Variants in PDSS2 observed in about 807,000 individuals in gnomAD.
The protein encoded by PDSS2 is all trans-polyprenyl-diphosphate synthase PDSS2.
A neutral mutation model predicts 44.5 loss-of-function variants in PDSS2; 31 were observed. The ratio of observed to expected loss-of-function variants is 0.70; its 90% CI spans 0.52 to 0.94. The LOEUF is 0.94. Among genes scored for constraint, PDSS2 ranks in the 40% least tolerant of loss-of-function variants. The pLI is 0.00. For missense variants in PDSS2, 452 were observed against 482.2 expected (o/e 0.94, Z 0.59); for synonymous variants, 157 against 180.3 (o/e 0.87, Z 1.03).
chr6:107,159,426 T>G (rs1325509125), intron 7 of PDSS2, among the ~76,000 whole-genome samples: 1 of 148,390 alleles, frequency 6.7e-6, no homozygotes, highest in Non-Finnish European at 1.5e-5. Flanking sequence ...TTTCTTTTTT[T>G]TTTTTTTTGA....
At chr6:107,315,475 C>T (rs1346551481) in intron 2 of PDSS2, among the ~76,000 whole-genome samples, 6 of 152,182 alleles carry the variant, frequency 3.9e-5, no homozygotes, top group African/African-American at 1.2e-4. Flanking sequence ...ACTTTCCCCA[C>T]ATTTTATTAA....
intron 2 of PDSS2, among the ~76,000 whole-genome samples, chr6:107,309,120 A>G (rs1005755302): frequency 3.3e-5 from 5 of 152,280 alleles, no homozygotes; most frequent in African/African-American, 4.8e-5. Context: ...TTTTACTTAA[A>G]TTAGGCTACC....
In PDSS2 at chr6:107,459,399, C is replaced by G. The variant is rs1782174346; in HGVS notation, c.-114G>C. The G allele has an allele frequency of 5.9e-6, 5 of 847,598 alleles. No homozygotes were observed. Among genetic ancestry groups the G allele is most frequent in the East Asian group, 5.2e-5 (2 of 38,220 alleles). The allele number at this position is 847,598 out of a possible 1,614,324, so 52.5% of individuals were successfully genotyped here. A position where few individuals can be genotyped will look rare whatever the true frequency, so the allele number is the denominator to read the frequency against. On this transcript the variant is annotated 5_prime_UTR_variant, in exon 1 of 8. Coordinates refer to ENST00000369037, the MANE Select transcript of PDSS2 (RefSeq NM_020381.4). The surrounding 1 kb of genome is among the most constrained non-coding windows in gnomAD (Gnocchi z 4.3). ...TAAAAGGAAGCGGCAATTCTTGACC[C>G]TCAGAGTAAGGTGGCTTCCTGGAGC...
chr6:107,255,987 AT>A (rs942016422), intron 3 of PDSS2, among the ~76,000 whole-genome samples: 1 of 151,330 alleles, frequency 6.6e-6, no homozygotes, highest in Non-Finnish European at 1.5e-5. Context: ...GCTTAGCTTC[AT>A]TTTTTTTGTT....
At chr6:107,393,273 G>A (rs1011315149) in intron 1 of PDSS2, among the ~76,000 whole-genome samples, 6 of 151,886 alleles carry the variant, frequency 4.0e-5, no homozygotes, top group Non-Finnish European at 8.8e-5. Context: ...GAGTTATTTA[G>A]AAGACTATTG....
chr6:107,263,523 TTG>T (rs1410461049), intron 3 of PDSS2, among the ~76,000 whole-genome samples: 1 of 152,186 alleles, frequency 6.6e-6, no homozygotes, highest in African/African-American at 2.4e-5. Context: ...TTTTTCCTTG[TTG>T]TTAGGTTTCT....
chr6:107,436,069 A>G (rs1038470579), intron 1 of PDSS2, among the ~76,000 whole-genome samples: 1 of 152,226 alleles, frequency 6.6e-6, no homozygotes, highest in Non-Finnish European at 1.5e-5. Flanking sequence ...TAAATCAGAA[A>G]CAACTATCTG....
In PDSS2 at chr6:107,214,249, G is replaced by A. The variant is rs376502187; in HGVS notation, c.703-1967C>T. Among the ~76,000 whole-genome samples the A allele has an allele frequency of 3.1e-4, 47 of 151,916 alleles. No individual in the cohort carries two copies. In the East Asian group the frequency reaches 6.6e-3, roughly 21 times the overall value. On this transcript the variant is annotated intron_variant, in intron 4 of 7. Transcript: ENST00000369037. ...CTCTCCGAGTAGCTGGACTACAGGC[G>A]CCCGCCACCACGCCCAGCTAATTTT... is the stretch of plus-strand genomic sequence containing the variant.
At position 107,206,029 on chromosome 6, in the gene PDSS2, T is replaced by C. The variant is rs951150580; in HGVS notation, c.1008+4410A>G. On this transcript the variant is annotated intron_variant, in intron 6 of 7. Transcript: ENST00000369037. ...AAGAAATCACAGGTGACTTCCATCA[T>C]TGACAGCAAGATTTTTCTGTTTCTC... is the stretch of plus-strand genomic sequence containing the variant. Among the ~76,000 whole-genome samples the C allele has an allele frequency of 3.9e-5, 6 of 152,228 alleles. No homozygotes were observed. In the East Asian group the frequency reaches 7.7e-4, roughly 20 times the overall value.
chr6:107,298,631 A>C (rs570480623), intron 2 of PDSS2, among the ~76,000 whole-genome samples: 13 of 152,328 alleles, frequency 8.5e-5, no homozygotes, highest in East Asian at 1.9e-4. Flanking sequence ...ATAGATATGC[A>C]TGTGTATGTA....
intron 1 of PDSS2, among the ~76,000 whole-genome samples, chr6:107,421,328 C>A (rs1229274299): frequency 6.6e-6 from 1 of 152,116 alleles, no homozygotes; most frequent in African/African-American, 2.4e-5. Flanking sequence ...ACCCAACAAT[C>A]ACACTCCCAA....
chr6:107,354,236 A>G (rs1045356084), intron 1 of PDSS2, among the ~76,000 whole-genome samples: 2 of 152,256 alleles, frequency 1.3e-5, no homozygotes, highest in African/African-American at 2.4e-5. Flanking sequence ...CATGCAGGGC[A>G]TATAACCACA....
intron 2 of PDSS2, among the ~76,000 whole-genome samples, chr6:107,281,507 C>G (rs1320369562): frequency 6.6e-6 from 1 of 152,154 alleles, no homozygotes; most frequent in African/African-American, 2.4e-5. Context: ...GTTTTATTCA[C>G]CTAACATTAT....
At chr6:107,191,996 T>C (rs1772397860) in intron 7 of PDSS2, among the ~76,000 whole-genome samples, 1 of 152,182 alleles carries the variant, frequency 6.6e-6, no homozygotes, top group Non-Finnish European at 1.5e-5. Context: ...GGTCAGGGGC[T>C]ATAGGAACTC....
intron 1 of PDSS2, among the ~76,000 whole-genome samples, chr6:107,355,414 TACTAGA>T (rs1778566881): frequency 6.6e-6 from 1 of 152,244 alleles, no homozygotes. Context: ...GCAAAGACTG[TACTAGA>T]TTTATATTTG....
At chr6:107,308,910 G>A (rs1037556780) in intron 2 of PDSS2, among the ~76,000 whole-genome samples, 1 of 152,192 alleles carries the variant, frequency 6.6e-6, no homozygotes, top group Non-Finnish European at 1.5e-5. Context: ...AATATGGGTG[G>A]AGCACAGATT....
intron 2 of PDSS2, among the ~76,000 whole-genome samples, chr6:107,316,162 T>C (rs182641665): frequency 4.3e-4 from 65 of 152,330 alleles, no homozygotes; most frequent in African/African-American, 1.5e-3. Context: ...ATTTAATAAC[T>C]TGTCATGACC....
intron 4 of PDSS2, among the ~76,000 whole-genome samples, chr6:107,235,274 G>T (rs530059773): frequency 6.6e-5 from 10 of 152,208 alleles, no homozygotes; most frequent in African/African-American, 2.4e-4. Context: ...TAAAGTCTTC[G>T]GCTGAGTATT....
intron 1 of PDSS2, among the ~76,000 whole-genome samples, chr6:107,424,028 T>C (rs1780907986): frequency 1.5e-5 from 2 of 137,198 alleles, no homozygotes; most frequent in Non-Finnish European, 3.1e-5. Flanking sequence ...ATTATTTTTA[T>C]CTTGCATCTT....
Sources: gnomAD v4.1 joint callset for allele counts (sites outside exome capture counted in the v4.1 genomes callset) on GRCh38, gnomAD v4.1.1 for gene constraint, Gnocchi (gnomAD v3.1) non-coding constraint, MANE v1.5 for transcripts, NCBI Gene and HGNC (gene_info 2026-07-23, HGNC 2026-07-21) for gene names.